Variants in MAGI2 observed in about 807,000 individuals in gnomAD.
The protein encoded by MAGI2 is membrane-associated guanylate kinase, WW and PDZ domain-containing protein 2.
A neutral mutation model predicts 133.3 loss-of-function variants in MAGI2; 35 were observed. That is an observed-to-expected ratio of 0.26 (90% CI 0.20 to 0.35). The LOEUF (loss-of-function observed/expected upper bound fraction) is 0.35, where lower values mean the gene tolerates loss of function less well. Among genes scored for constraint, MAGI2 ranks in the 10% least tolerant of loss-of-function variants. The pLI, the probability that MAGI2 is intolerant of heterozygous loss-of-function variation, is 1.00. For missense variants in MAGI2, 1,636 were observed against 1,863.4 expected, an observed-to-expected ratio of 0.88 and a Z score of 2.25; for synonymous variants, 729 against 710.6, an observed-to-expected ratio of 1.03 and a Z score of -0.41.
chr7:78,047,186 TG>T (rs1286638891), intron 21 of MAGI2, among the ~76,000 whole-genome samples: 3 of 152,176 alleles, frequency 2.0e-5, no homozygotes, highest in African/African-American at 7.2e-5. Flanking sequence ...AAACAGAGAC[TG>T]GGGGAGGATG....
intron 1 of MAGI2, among the ~76,000 whole-genome samples, chr7:79,339,992 A>C (rs942098083): frequency 1.3e-5 from 2 of 152,156 alleles, no homozygotes; most frequent in East Asian, 3.8e-4. Context: ...ATGTAGCAGA[A>C]AGATATGTCT....
intron 2 of MAGI2, among the ~76,000 whole-genome samples, chr7:78,899,636 T>C (rs891969146): frequency 2.6e-5 from 4 of 152,162 alleles, no homozygotes; most frequent in Admixed American, 1.3e-4. Context: ...TCAGTGAACA[T>C]TGGAATCCCC....
At chr7:78,082,372 G>C (rs1816075330) in intron 20 of MAGI2, among the ~76,000 whole-genome samples, 1 of 152,164 alleles carries the variant, frequency 6.6e-6, no homozygotes, top group African/African-American at 2.4e-5. Flanking sequence ...CGTAAGGGCT[G>C]AGCTGAAGTC....
At chr7:78,243,746 G>A (rs1196806742) in intron 10 of MAGI2, among the ~76,000 whole-genome samples, 1 of 151,962 alleles carries the variant, frequency 6.6e-6, no homozygotes, top group African/African-American at 2.4e-5. Flanking sequence ...TTTCAAAAAC[G>A]GGTCAACTGA....
chr7:79,304,165 C>T (rs1182634370), intron 1 of MAGI2, among the ~76,000 whole-genome samples: 1 of 98,624 alleles, frequency 1.0e-5, no homozygotes, highest in East Asian at 3.1e-4. Context: ...TTCTAAAGTG[C>T]CAATTTTCAA....
At chr7:78,304,116 A>C (rs1798067638) in intron 9 of MAGI2, among the ~76,000 whole-genome samples, 2 of 152,274 alleles carry the variant, frequency 1.3e-5, no homozygotes, top group Non-Finnish European at 2.9e-5. Context: ...TTTTACCTTC[A>C]AAAACTATCC....
At chr7:78,552,559 T>A (rs1799442724) in intron 3 of MAGI2, among the ~76,000 whole-genome samples, 1 of 152,166 alleles carries the variant, frequency 6.6e-6, no homozygotes, top group African/African-American at 2.4e-5. Flanking sequence ...TTATTAAACA[T>A]TTGTAAAGGT....
chr7:78,594,550 C>T (rs1026306562), intron 3 of MAGI2, among the ~76,000 whole-genome samples: 4 of 152,114 alleles, frequency 2.6e-5, no homozygotes, highest in East Asian at 3.9e-4. Flanking sequence ...CTCTGCCTCC[C>T]GGGTTCAAGT....
At chr7:79,272,926 A>G (rs1834978809) in intron 1 of MAGI2, among the ~76,000 whole-genome samples, 1 of 152,110 alleles carries the variant, frequency 6.6e-6, no homozygotes, top group African/African-American at 2.4e-5. Flanking sequence ...TTCGCCAAAC[A>G]GCAAGAAAGA....
intron 6 of MAGI2, among the ~76,000 whole-genome samples, chr7:78,458,223 C>T (rs1343767586): frequency 6.8e-6 from 1 of 146,760 alleles, no homozygotes; most frequent in Non-Finnish European, 1.5e-5. Context: ...TTGAACTAGG[C>T]AGTCGGAGGT....
At chr7:78,867,337 A>C (rs1241112774) in intron 2 of MAGI2, among the ~76,000 whole-genome samples, 2 of 149,642 alleles carry the variant, frequency 1.3e-5, no homozygotes, top group Non-Finnish European at 3.0e-5. Context: ...TGGCACATAT[A>C]CACCATGGAA....
intron 2 of MAGI2, among the ~76,000 whole-genome samples, chr7:78,870,213 G>T (rs1170435463): frequency 6.6e-6 from 1 of 151,956 alleles, no homozygotes; most frequent in Non-Finnish European, 1.5e-5. Context: ...AGCTGGGCAT[G>T]GTGGCATGGA....
rs575199344 is a variant in MAGI2 at position 79,219,509 on chromosome 7, T to C, written c.302-212303A>G. Among the ~76,000 whole-genome samples, 7 of 152,170 alleles carry C rather than the reference T, an allele frequency of 4.6e-5. No homozygotes were observed. The South Asian group carries it at 1.4e-3, about 32-fold the overall frequency. Reference sequence around the variant, plus strand: ...AATCACTTTCAATTAATACCCAGAATTGTTACAAAGTGGCCAGTTTGTCCT... The same window carrying C: ...AATCACTTTCAATTAATACCCAGAACTGTTACAAAGTGGCCAGTTTGTCCT... On this transcript the variant is annotated intron_variant, in intron 1 of 21. Coordinates refer to ENST00000354212, the MANE Select transcript of MAGI2 (RefSeq NM_012301.4).
chr7:78,493,720 A>C (rs1173033020), intron 5 of MAGI2, among the ~76,000 whole-genome samples: 1 of 152,118 alleles, frequency 6.6e-6, no homozygotes, highest in African/African-American at 2.4e-5. Context: ...CTGGAATAGT[A>C]ATCAAGAGTC....
At chr7:78,025,072 G>A (rs10224414) in intron 21 of MAGI2, among the ~76,000 whole-genome samples, 3,972 of 152,270 alleles carry the variant, frequency 0.026, 160 homozygotes, top group African/African-American at 0.091. Context: ...AAAAAAGCCT[G>A]CATGATCTGG....
intron 1 of MAGI2, among the ~76,000 whole-genome samples, chr7:79,244,101 T>C (rs912168535): frequency 4.6e-5 from 7 of 152,234 alleles, no homozygotes; most frequent in Non-Finnish European, 7.3e-5. Flanking sequence ...TAACCAATCA[T>C]GCCATTGGCT....
intron 6 of MAGI2, among the ~76,000 whole-genome samples, chr7:78,394,002 G>A (rs1386131003): frequency 1.3e-5 from 2 of 151,852 alleles, no homozygotes; most frequent in African/African-American, 2.4e-5. Context: ...CAGAAAAGCT[G>A]GCAGTGTAAT....
intron 2 of MAGI2, among the ~76,000 whole-genome samples, chr7:79,006,050 T>C (rs1584649423): frequency 6.6e-6 from 1 of 152,280 alleles, no homozygotes; most frequent in Non-Finnish European, 1.5e-5. Flanking sequence ...GGTAGGTCAA[T>C]AGGGCTGGGT....
At chr7:78,795,926 G>A (rs1278277140) in intron 2 of MAGI2, among the ~76,000 whole-genome samples, 2 of 152,030 alleles carry the variant, frequency 1.3e-5, no homozygotes, top group East Asian at 3.9e-4. Flanking sequence ...AGGTAAACTG[G>A]ATAACCATAT....
Sources: allele counts gnomAD v4.1 joint callset (sites outside exome capture counted in the v4.1 genomes callset), GRCh38; gene constraint gnomAD v4.1.1; transcripts MANE v1.5; gene names NCBI Gene and HGNC (gene_info 2026-07-23, HGNC 2026-07-21).